PSD3: variants seen among roughly 807,000 people sequenced by gnomAD.
PSD3 encodes pleckstrin and Sec7 domain containing 3.
A neutral mutation model predicts 105.5 loss-of-function variants in PSD3; 49 were observed. The observed-to-expected ratio is 0.46, with a 90% CI of 0.37 to 0.59. The LOEUF (loss-of-function observed/expected upper bound fraction) is 0.59. PSD3 is among the 20% of genes least tolerant of loss of function. PSD3 has a pLI of 0.00. For synonymous variants in PSD3, 557 were observed against 457.8 expected (o/e 1.22, Z -2.77); for missense variants, 1,561 against 1,263.8 (o/e 1.24, Z -3.57).
intron 4 of PSD3, among the ~76,000 whole-genome samples, chr8:18,839,596 A>G (rs1276055509): frequency 2.6e-4 from 39 of 152,188 alleles, no homozygotes; most frequent in Admixed American, 2.6e-3. Flanking sequence ...CTGCAAATGT[A>G]AGCAGGAACC....
intron 9 of PSD3, among the ~76,000 whole-genome samples, chr8:18,685,861 T>C (rs1363999205): frequency 6.6e-6 from 1 of 152,102 alleles, no homozygotes. Flanking sequence ...AAATTCAAAA[T>C]GTCCCGTGTA....
At chr8:19,008,895 C>A (rs1158175355) in intron 1 of PSD3, among the ~76,000 whole-genome samples, 1 of 152,162 alleles carries the variant, frequency 6.6e-6, no homozygotes, top group Non-Finnish European at 1.5e-5. Flanking sequence ...ATCTCTAAGC[C>A]CCAGCTCATG....
chr8:18,900,308 C>CG (rs1819424169), intron 2 of PSD3, among the ~76,000 whole-genome samples: 1 of 152,170 alleles, frequency 6.6e-6, no homozygotes, highest in Admixed American at 6.5e-5. Context: ...CCTGCATCCA[C>CG]ATAACAGCTA....
chr8:18,954,956 G>A (rs527403784), intron 1 of PSD3, among the ~76,000 whole-genome samples: 3 of 152,196 alleles, frequency 2.0e-5, no homozygotes, highest in Non-Finnish European at 4.4e-5. Context: ...GCCAAAAAAA[G>A]AGATAACATC....
At chr8:18,787,746 C>T (rs1809314650) in intron 8 of PSD3, among the ~76,000 whole-genome samples, 1 of 152,174 alleles carries the variant, frequency 6.6e-6, no homozygotes, top group African/African-American at 2.4e-5. Context: ...TTTAAAGATA[C>T]ATTAAATGCC....
chr8:18,634,647 T>C (rs1807130326), intron 10 of PSD3, among the ~76,000 whole-genome samples: 1 of 152,162 alleles, frequency 6.6e-6, no homozygotes, highest in Non-Finnish European at 1.5e-5. Flanking sequence ...CTTGACACTT[T>C]GAACAGTATT....
rs554779256 is a variant in PSD3 at position 18,642,689 on chromosome 8, G to C, written c.2217-9883C>G. Among the ~76,000 whole-genome samples, 8 of 152,254 alleles carry C rather than the reference G, an allele frequency of 5.3e-5. No homozygotes were observed. The South Asian group carries it at 1.5e-3, about 28-fold the overall frequency. ...GAATATTCTGAAGATAATGTGAAATGAAGATAACAATATTTGTAAAGTACA... is the reference window on the plus strand; with the variant it reads ...GAATATTCTGAAGATAATGTGAAATCAAGATAACAATATTTGTAAAGTACA... On this transcript the variant is annotated intron_variant, in intron 10 of 15. Coordinates refer to ENST00000327040, the MANE Select transcript of PSD3 (RefSeq NM_015310.4).
chr8:18,804,307 G>A, intron 6 of PSD3: 2 of 419,456 alleles, frequency 4.8e-6, no homozygotes, highest in Non-Finnish European at 8.4e-6. Flanking sequence ...GATTTGGGAT[G>A]TTCACTTGGA....
intron 1 of PSD3, among the ~76,000 whole-genome samples, chr8:19,051,225 T>C (rs1250724615): frequency 6.6e-6 from 1 of 151,884 alleles, no homozygotes; most frequent in African/African-American, 2.4e-5. Context: ...GGATGCTCAT[T>C]CCTTCCCATC....
At chr8:18,687,657 T>A (rs1007218267) in intron 9 of PSD3, among the ~76,000 whole-genome samples, 2 of 152,144 alleles carry the variant, frequency 1.3e-5, no homozygotes, top group African/African-American at 2.4e-5. Flanking sequence ...CCAGAGATAA[T>A]AAGCCATCCA....
chr8:18,694,333 A>G (rs1843966), intron 9 of PSD3, among the ~76,000 whole-genome samples: 139,922 of 152,324 alleles, frequency 0.92, 64,782 homozygotes, highest in Middle Eastern at 0.97. Context: ...AGTTCCAGCC[A>G]GGCGCGGTGG....
chr8:18,655,530 G>A, intron 10 of PSD3, 112 bp downstream of exon 10: 1 of 1,001,396 alleles, frequency 1.0e-6, no homozygotes. Context: ...GGTGTAAAAT[G>A]AGAATTGGCA....
chr8:18,596,410 T>C (rs941584098), intron 12 of PSD3, among the ~76,000 whole-genome samples: 4 of 147,104 alleles, frequency 2.7e-5, no homozygotes, highest in Non-Finnish European at 6.0e-5. Context: ...AATAGAGAAA[T>C]GAAAATCAAA....
intron 8 of PSD3, among the ~76,000 whole-genome samples, chr8:18,770,866 C>G (rs11783494): frequency 0.45 from 67,681 of 152,066 alleles, 17,905 homozygotes; most frequent in Non-Finnish European, 0.6. Context: ...GAGCTCTTTA[C>G]CAGCATCCAG....
chr8:19,047,850 G>A (rs1828380544), intron 1 of PSD3, among the ~76,000 whole-genome samples: 1 of 152,116 alleles, frequency 6.6e-6, no homozygotes, highest in Non-Finnish European at 1.5e-5. Flanking sequence ...CTGTTGCAGT[G>A]GCCAGGTGGG....
intron 10 of PSD3, among the ~76,000 whole-genome samples, chr8:18,651,322 C>G (rs1455792277): frequency 6.6e-6 from 1 of 152,208 alleles, no homozygotes; most frequent in African/African-American, 2.4e-5. Context: ...TTCTAACACT[C>G]AATAATTCTA....
At chr8:18,761,098 A>G (rs1262996330) in intron 9 of PSD3, among the ~76,000 whole-genome samples, 1 of 152,190 alleles carries the variant, frequency 6.6e-6, no homozygotes, top group African/African-American at 2.4e-5. Flanking sequence ...CAAAGAGGGA[A>G]GTCACTAAAA....
At chr8:18,638,980 G>A (rs1807458325) in intron 10 of PSD3, among the ~76,000 whole-genome samples, 1 of 152,210 alleles carries the variant, frequency 6.6e-6, no homozygotes, top group African/African-American at 2.4e-5. Flanking sequence ...CAGGTGCCAT[G>A]GCATTGACCA....
chr8:18,846,440 C>A (rs1815098870), intron 4 of PSD3, among the ~76,000 whole-genome samples: 1 of 152,064 alleles, frequency 6.6e-6, no homozygotes, highest in Non-Finnish European at 1.5e-5. Context: ...TCTACCACGC[C>A]CTGCAGGGAA....
Sources: gnomAD v4.1 joint callset for allele counts (sites outside exome capture counted in the v4.1 genomes callset) on GRCh38, gnomAD v4.1.1 for gene constraint, MANE v1.5 for transcripts, NCBI Gene and HGNC (gene_info 2026-07-23, HGNC 2026-07-21) for gene names.